GPCPD1: variants seen among roughly 807,000 people sequenced by gnomAD.
GPCPD1 encodes the protein glycerophosphocholine phosphodiesterase 1, also known as glycerophosphocholine phosphodiesterase GPCPD1.
A neutral mutation model predicts 89.2 loss-of-function variants in GPCPD1; 29 were observed. That is an observed-to-expected ratio of 0.33 (90% CI 0.24 to 0.44). The LOEUF is 0.44. GPCPD1 is among the 20% of genes least tolerant of loss of function. GPCPD1 has a pLI of 1.00. For synonymous variants in GPCPD1, 258 were observed against 266.3 expected, an observed-to-expected ratio of 0.97 and a Z score of 0.30; for missense variants, 594 against 808.9, an observed-to-expected ratio of 0.73 and a Z score of 3.22.
chr20:5,586,289 C>T lies in GPCPD1; in HGVS notation c.232-20G>A, dbSNP rs373991247. 2.1e-5 allele frequency: 29 copies of T among 1,400,718 alleles called. No homozygotes were observed. Among genetic ancestry groups the T allele is most frequent in the Admixed American group, 5.1e-5 (3 of 58,698 alleles). The allele number at this position is 1,400,718 out of a possible 1,614,324, so 86.8% of individuals were successfully genotyped here. ...GATAGTCTGCAATTTAAAAGTTAAA[C>T]GTCTGCAATAATTTCTTATATCTTA... On this transcript the variant is annotated intron_variant, in intron 4 of 19. Transcript: ENST00000379019.
At chr20:5,559,275 C>A (rs1423551570) in intron 17 of GPCPD1, among the ~76,000 whole-genome samples, 1 of 151,976 alleles carries the variant, frequency 6.6e-6, no homozygotes, top group Non-Finnish European at 1.5e-5. Context: ...CAGCTAAAAC[C>A]ACCATTAACA....
At chr20:5,593,921 A>G (rs904921044) in intron 3 of GPCPD1, among the ~76,000 whole-genome samples, 1 of 152,170 alleles carries the variant, frequency 6.6e-6, no homozygotes, top group Non-Finnish European at 1.5e-5. Flanking sequence ...GATAAACATG[A>G]GTTACACTCC....
intron 17 of GPCPD1, 59 bp downstream of exon 17, chr20:5,559,881 C>T (rs566067535): frequency 1.3e-4 from 121 of 919,442 alleles, no homozygotes; most frequent in South Asian, 4.3e-5. Context: ...CTCCAGACTG[C>T]TGCCTTAAGT....
At chr20:5,607,956 G>A (rs547679626) in intron 1 of GPCPD1, among the ~76,000 whole-genome samples, 1 of 152,262 alleles carries the variant, frequency 6.6e-6, no homozygotes, top group Non-Finnish European at 1.5e-5. Context: ...CTTTCATTTG[G>A]TGTTTACTGC....
At chr20:5,548,000 A>C in intron 19 of GPCPD1, 150 bp from the exon 20 acceptor site, 1 of 475,760 alleles carries the variant, frequency 2.1e-6, no homozygotes, top group East Asian at 3.2e-5. Context: ...AGATGAAAGT[A>C]TCCATTCTCT....
At chr20:5,578,926 G>A (rs1474422826) in intron 7 of GPCPD1, among the ~76,000 whole-genome samples, 2 of 152,066 alleles carry the variant, frequency 1.3e-5, no homozygotes, top group South Asian at 2.1e-4. Flanking sequence ...AGTGGCTCAC[G>A]CCTGTAATCC....
intron 1 of GPCPD1, among the ~76,000 whole-genome samples, chr20:5,607,990 C>CTCAT (rs1200615935): frequency 1.3e-5 from 2 of 152,094 alleles, no homozygotes; most frequent in Non-Finnish European, 2.9e-5. Context: ...TAAAGACAAC[C>CTCAT]TCATATACAT....
At chr20:5,599,766 T>C (rs963771093) in intron 2 of GPCPD1, among the ~76,000 whole-genome samples, 4 of 152,124 alleles carry the variant, frequency 2.6e-5, no homozygotes, top group African/African-American at 9.7e-5. Context: ...TTGGCTAGGT[T>C]GGTCTTGAAC....
chr20:5,549,138 A>G, intron 19 of GPCPD1: 1 of 649,760 alleles, frequency 1.5e-6, no homozygotes. Context: ...ATGTGGGAAG[A>G]TGAGAAAAAC....
intron 1 of GPCPD1, among the ~76,000 whole-genome samples, chr20:5,609,812 C>G (rs1008359491): frequency 6.4e-5 from 9 of 139,820 alleles, no homozygotes; most frequent in Non-Finnish European, 1.4e-4. Context: ...TGCTTGTTTG[C>G]TTGGTGTTAT....
intron 1 of GPCPD1, among the ~76,000 whole-genome samples, chr20:5,608,741 C>T (rs1175729543): frequency 6.6e-6 from 1 of 152,160 alleles, no homozygotes; most frequent in Non-Finnish European, 1.5e-5. Flanking sequence ...ATTTAACCAA[C>T]TCGCCTATTA....
chr20:5,604,624 GC>G (rs1366111095), intron 1 of GPCPD1, among the ~76,000 whole-genome samples, 184 bp from the exon 2 acceptor site: 30 of 63,138 alleles, frequency 4.8e-4, no homozygotes, highest in African/African-American at 6.2e-4. Context: ...GGGGGGGGGG[GC>G]GGGAAAGAAA....
intron 1 of GPCPD1, among the ~76,000 whole-genome samples, chr20:5,606,784 C>T (rs1340495025): frequency 6.6e-6 from 1 of 152,214 alleles, no homozygotes; most frequent in East Asian, 1.9e-4. Flanking sequence ...TCTATGTTAG[C>T]TATAAACTAT....
intron 19 of GPCPD1, among the ~76,000 whole-genome samples, chr20:5,557,596 T>C (rs982255882): frequency 1.3e-5 from 2 of 151,832 alleles, no homozygotes; most frequent in African/African-American, 4.8e-5. Flanking sequence ...GAGTTGGAGA[T>C]ACGTAAGTGT....
chr20:5,603,492 C>T (rs757823322), intron 2 of GPCPD1, among the ~76,000 whole-genome samples: 19 of 151,830 alleles, frequency 1.3e-4, no homozygotes, highest in Admixed American at 2.6e-4. Context: ...CATTTGAGAA[C>T]GTCCTAAAAG....
rs551599187 is a variant in GPCPD1, at chr20:5,597,512, A to AT, written c.146+1212dup. On this transcript the variant is annotated intron_variant, in intron 3 of 19. Coordinates refer to ENST00000379019, the MANE Select transcript of GPCPD1 (RefSeq NM_019593.5). Reference sequence around the variant, plus strand: ...TTTGTATTTCTCACATCATGGATTGATTTTTTTAAAAGTCTTTTGGACTGG... The same window carrying AT: ...TTTGTATTTCTCACATCATGGATTGATTTTTTTTAAAAGTCTTTTGGACTGG... Among the ~76,000 whole-genome samples, 243 of 152,292 alleles carry AT rather than the reference A, an allele frequency of 1.6e-3. 1 individual carries two copies. The highest frequency in any genetic ancestry group is 2.9e-3 in the Non-Finnish European group (199 of 68,016).
intron 8 of GPCPD1, 101 bp downstream of exon 8, chr20:5,578,279 T>C (rs2122677396): frequency 2.7e-6 from 2 of 752,652 alleles, no homozygotes; most frequent in Non-Finnish European, 4.6e-6. Flanking sequence ...TCTAAAAAGT[T>C]AGCTTTACAC....
At chr20:5,605,974 A>C (rs1200160041) in intron 1 of GPCPD1, among the ~76,000 whole-genome samples, 7 of 152,108 alleles carry the variant, frequency 4.6e-5, no homozygotes, top group African/African-American at 1.7e-4. Context: ...TATTTATAGA[A>C]ATCTGAACTC....
intron 4 of GPCPD1, among the ~76,000 whole-genome samples, chr20:5,586,540 C>G (rs1206232335): frequency 6.6e-6 from 1 of 151,998 alleles, no homozygotes; most frequent in African/African-American, 2.4e-5. Context: ...AATCTGCCTA[C>G]AATACTCAAT....
Sources: gnomAD v4.1 joint callset for allele counts (sites outside exome capture counted in the v4.1 genomes callset) on GRCh38, gnomAD v4.1.1 for gene constraint, MANE v1.5 for transcripts, NCBI Gene and HGNC (gene_info 2026-07-23, HGNC 2026-07-21) for gene names.